PHACTR1: variants seen among roughly 807,000 people sequenced by gnomAD.
PHACTR1 encodes RPEL repeat containing 1.
A neutral mutation model predicts 69.2 loss-of-function variants in PHACTR1; 16 were observed. That is an observed-to-expected ratio of 0.23 (90% confidence interval 0.16 to 0.35). PHACTR1 has a LOEUF of 0.35. Ranked by LOEUF, PHACTR1 falls within the 10% of genes least tolerant of loss-of-function variation. The probability of loss-of-function intolerance (pLI) is 1.00; values close to 1 mark genes in which losing one functional copy is unlikely to be tolerated. For synonymous variants in PHACTR1, 312 were observed against 284.5 expected, an observed-to-expected ratio of 1.10 and a Z score of -0.97; for missense variants, 510 against 734.7, an observed-to-expected ratio of 0.69 and a Z score of 3.54.
chr6:13,219,486 A>G (rs375765864), intron 8 of PHACTR1, among the ~76,000 whole-genome samples: 1 of 152,136 alleles, frequency 6.6e-6, no homozygotes, highest in Non-Finnish European at 1.5e-5. Flanking sequence ...TAAAGTGGCC[A>G]CAACAGATAC....
chr6:13,242,815 G>A (rs1209484288), intron 10 of PHACTR1, among the ~76,000 whole-genome samples: 4 of 152,208 alleles, frequency 2.6e-5, no homozygotes, highest in Non-Finnish European at 5.9e-5. Flanking sequence ...AAGTTACTAA[G>A]GGAGAACATG....
At chr6:12,977,477 T>C (rs555985736) in intron 4 of PHACTR1, among the ~76,000 whole-genome samples, 24 of 152,106 alleles carry the variant, frequency 1.6e-4, no homozygotes, top group Non-Finnish European at 3.1e-4. Flanking sequence ...CTTATCACTA[T>C]ATGTAATAGC....
chr6:12,720,674 G>A (rs141675812), intron 3 of PHACTR1, among the ~76,000 whole-genome samples: 4 of 152,308 alleles, frequency 2.6e-5, no homozygotes, highest in East Asian at 1.9e-4. Flanking sequence ...CAGGAGGGGC[G>A]GGGGTTCCCG....
chr6:13,286,238 T>G lies in PHACTR1; in HGVS notation c.1727+16T>G, dbSNP rs540586913. On this transcript the variant is annotated intron_variant, in intron 14 of 14. Transcript: ENST00000332995. The stretch of plus-strand genomic sequence containing the variant: ...ACTTAACAAGGTTAGTATTAAGGGT[T>G]TTTTTTTTCCTTTTTTTCCCTCAAG... The G allele has an allele frequency of 7.7e-6, 12 of 1,550,940 alleles. No individual in the cohort carries two copies. The Admixed American group carries it at 2.2e-4, about 29-fold the overall frequency.
intron 4 of PHACTR1, among the ~76,000 whole-genome samples, chr6:12,787,334 A>G (rs1771661560): frequency 6.6e-6 from 1 of 152,208 alleles, no homozygotes; most frequent in African/African-American, 2.4e-5. Flanking sequence ...TTGAATATTT[A>G]CTTCAGTGCC....
At chr6:12,884,648 G>A (rs1298083525) in intron 4 of PHACTR1, among the ~76,000 whole-genome samples, 2 of 152,116 alleles carry the variant, frequency 1.3e-5, no homozygotes, top group African/African-American at 2.4e-5. Flanking sequence ...TGGTCCGCCC[G>A]CCTCAGCCTC....
At chr6:12,724,801 C>T (rs1762573869) in intron 3 of PHACTR1, among the ~76,000 whole-genome samples, 1 of 152,166 alleles carries the variant, frequency 6.6e-6, no homozygotes, top group Non-Finnish European at 1.5e-5. Flanking sequence ...ATACCCTGTC[C>T]ACTGTGTGAG....
intron 3 of PHACTR1, among the ~76,000 whole-genome samples, chr6:12,720,319 A>G (rs576323930): frequency 6.6e-6 from 1 of 152,342 alleles, no homozygotes; most frequent in South Asian, 2.1e-4. Context: ...GGCAAAACAG[A>G]AAGGGGGGCA....
At chr6:12,809,450 T>C (rs2127692379) in intron 4 of PHACTR1, among the ~76,000 whole-genome samples, 1 of 152,326 alleles carries the variant, frequency 6.6e-6, no homozygotes, top group Non-Finnish European at 1.5e-5. Context: ...TTCACAGCAT[T>C]GCTCTTGGCA....
At chr6:13,183,338 G>A (rs4711932) in intron 7 of PHACTR1, among the ~76,000 whole-genome samples, 1 of 151,964 alleles carries the variant, frequency 6.6e-6, no homozygotes, top group South Asian at 2.1e-4. Flanking sequence ...GTACTTGTCA[G>A]GAGATGAGTC....
chr6:13,129,472 C>A (rs1378628624), intron 5 of PHACTR1, among the ~76,000 whole-genome samples: 1 of 151,976 alleles, frequency 6.6e-6, no homozygotes, highest in Admixed American at 6.6e-5. Flanking sequence ...AAAGATATTC[C>A]ATGCAAATGG....
intron 10 of PHACTR1, among the ~76,000 whole-genome samples, chr6:13,271,975 A>G (rs982035336): frequency 6.6e-6 from 1 of 152,240 alleles, no homozygotes; most frequent in African/African-American, 2.4e-5. Context: ...AATTTCTTCT[A>G]CAATGATTCA....
chr6:12,771,665 G>A (rs908216988), intron 4 of PHACTR1, among the ~76,000 whole-genome samples: 6 of 152,132 alleles, frequency 3.9e-5, no homozygotes, highest in Middle Eastern at 3.2e-3. Context: ...TGCTTTACCC[G>A]ACTGTAACTT....
chr6:13,143,340 C>G (rs1020764192), intron 5 of PHACTR1, among the ~76,000 whole-genome samples: 2 of 152,172 alleles, frequency 1.3e-5, no homozygotes, highest in Non-Finnish European at 2.9e-5. Flanking sequence ...TACCCATTTA[C>G]TCTGATGTGA....
chr6:13,082,802 T>G (rs1811618790), intron 5 of PHACTR1, among the ~76,000 whole-genome samples: 1 of 152,230 alleles, frequency 6.6e-6, no homozygotes, highest in Admixed American at 6.5e-5. Context: ...GTTGTTTTTT[T>G]CTTGTAAATT....
rs1489269886 is a variant in PHACTR1 at position 13,283,283 on chromosome 6, C to T, written c.1510-139C>T. 2 of 772,918 alleles carry T rather than the reference C, an allele frequency of 2.6e-6. No homozygotes were observed. Among genetic ancestry groups the T allele is most frequent in the Admixed American group, 2.3e-5 (1 of 42,860 alleles). The allele number at this position is 772,918 out of a possible 1,614,324, so 47.9% of individuals were successfully genotyped here. Reference sequence around the variant, plus strand: ...TCCCCCCACCCTGGCCCTCCCCCTGCCCCTGCCCCTCACTCACTATGCGAT... The same window carrying T: ...TCCCCCCACCCTGGCCCTCCCCCTGTCCCTGCCCCTCACTCACTATGCGAT... On this transcript the variant is annotated intron_variant, in intron 12 of 14. Transcript: ENST00000332995. This position sits in a 1 kb window ranked among gnomAD's most constrained non-coding sequence, Gnocchi z 4.7.
At chr6:12,907,779 A>G (rs1298233522) in intron 4 of PHACTR1, among the ~76,000 whole-genome samples, 1 of 152,164 alleles carries the variant, frequency 6.6e-6, no homozygotes, top group Non-Finnish European at 1.5e-5. Context: ...GGAAGGTGTT[A>G]AGAAGATAGA....
chr6:13,000,564 CAAAG>C (rs989021660), intron 4 of PHACTR1, among the ~76,000 whole-genome samples: 1 of 127,632 alleles, frequency 7.8e-6, no homozygotes, highest in African/African-American at 3.0e-5. Flanking sequence ...GAGAGAGAGA[CAAAG>C]AGAGAGTGGG....
intron 4 of PHACTR1, among the ~76,000 whole-genome samples, chr6:13,031,414 A>C (rs1802434080): frequency 6.6e-6 from 1 of 152,242 alleles, no homozygotes; most frequent in Admixed American, 6.5e-5. Context: ...TGTACTTCAT[A>C]CTGGTTAGCA....
Sources: allele counts gnomAD v4.1 joint callset (sites outside exome capture counted in the v4.1 genomes callset), GRCh38; gene constraint gnomAD v4.1.1; non-coding constraint Gnocchi (gnomAD v3.1); transcripts MANE v1.5; gene names NCBI Gene and HGNC (gene_info 2026-07-23, HGNC 2026-07-21).